The following RBFOX1 variants were observed in gnomAD, a reference collection of about 807,000 sequenced individuals.
RBFOX1 encodes the protein RNA binding protein fox-1 homolog 1.
A neutral mutation model predicts 57.7 loss-of-function variants in RBFOX1; 8 were observed. The ratio of observed to expected loss-of-function variants is 0.14; its 90% confidence interval spans 0.08 to 0.25. The LOEUF (loss-of-function observed/expected upper bound fraction) is 0.25. Among genes scored for constraint, RBFOX1 ranks in the 10% least tolerant of loss-of-function variants. The probability of loss-of-function intolerance (pLI) is 1.00; values close to 1 mark genes in which losing one functional copy is unlikely to be tolerated. For missense variants in RBFOX1, 611 were observed against 548.5 expected (o/e 1.11, Z -1.14); for synonymous variants, 326 against 222.4 (o/e 1.47, Z -4.15).
intron 3 of RBFOX1, among the ~76,000 whole-genome samples, chr16:6,808,065 CTA>C (rs1005071336): frequency 2.7e-5 from 4 of 147,866 alleles, no homozygotes; most frequent in Non-Finnish European, 4.5e-5. Flanking sequence ...TACAATAGAA[CTA>C]TATATATATA....
intron 3 of RBFOX1, among the ~76,000 whole-genome samples, chr16:5,858,760 G>C (rs1215460117): frequency 2.6e-5 from 4 of 152,214 alleles, no homozygotes; most frequent in Admixed American, 2.0e-4. Context: ...AGATGGGAAG[G>C]GAGGTAGGGA....
chr16:7,287,871 G>A (rs766898706), intron 4 of RBFOX1, among the ~76,000 whole-genome samples: 2 of 152,134 alleles, frequency 1.3e-5, no homozygotes, highest in Non-Finnish European at 2.9e-5. Context: ...CATTTCGTGT[G>A]CATTTTTCTG....
intron 1 of RBFOX1, among the ~76,000 whole-genome samples, chr16:5,315,105 T>C (rs2064199368): frequency 6.6e-6 from 1 of 152,180 alleles, no homozygotes. Flanking sequence ...TTATGAATCA[T>C]GATGGAACCA....
chr16:7,709,402 T>C, intron 15 of RBFOX1: 3 of 1,277,622 alleles, frequency 2.3e-6, no homozygotes, highest in Non-Finnish European at 3.1e-6. Context: ...TTAGTCATTT[T>C]GATAATTAAA....
At chr16:5,676,653 G>C (rs929076668) in intron 3 of RBFOX1, among the ~76,000 whole-genome samples, 5 of 152,204 alleles carry the variant, frequency 3.3e-5, no homozygotes, top group African/African-American at 9.7e-5. Context: ...TGGAGGCCAG[G>C]AGTCTGAGGC....
chr16:5,878,349 C>A (rs938213583), intron 4 of RBFOX1, among the ~76,000 whole-genome samples: 1 of 152,134 alleles, frequency 6.6e-6, no homozygotes, highest in East Asian at 1.9e-4. Context: ...TTATTCCTTC[C>A]AATGAACTTA....
At chr16:7,702,293 A>G (rs1393738024) in intron 14 of RBFOX1, among the ~76,000 whole-genome samples, 2 of 152,154 alleles carry the variant, frequency 1.3e-5, no homozygotes, top group Non-Finnish European at 2.9e-5. Flanking sequence ...GTGAAGTCCC[A>G]TATTCTGGGC....
At chr16:5,776,003 C>G (rs892689446) in intron 3 of RBFOX1, among the ~76,000 whole-genome samples, 2 of 152,074 alleles carry the variant, frequency 1.3e-5, no homozygotes, top group Non-Finnish European at 2.9e-5. Context: ...CTGGCCCAGG[C>G]TGCAGGGCAA....
At chr16:7,647,003 C>T (rs2063870471) in intron 11 of RBFOX1, among the ~76,000 whole-genome samples, 1 of 152,114 alleles carries the variant, frequency 6.6e-6, no homozygotes, top group Non-Finnish European at 1.5e-5. Flanking sequence ...GTAAATGGCC[C>T]ATTTGGCTGG....
At chr16:5,751,544 G>C (rs2053204886) in intron 3 of RBFOX1, among the ~76,000 whole-genome samples, 1 of 152,162 alleles carries the variant, frequency 6.6e-6, no homozygotes, top group Non-Finnish European at 1.5e-5. Context: ...GGATGAAGGT[G>C]AATCTGGAGG....
chr16:7,694,626 C>G lies in RBFOX1; in HGVS notation c.996-14430C>G, dbSNP rs1230634407. Reference sequence around the variant, plus strand: ...TCCCTCTTAACCCCTAGACTCGTATCTCTGCTTCTCATTGTGAGAGGTGGC... The same window carrying G: ...TCCCTCTTAACCCCTAGACTCGTATGTCTGCTTCTCATTGTGAGAGGTGGC... On this transcript the variant is annotated intron_variant, in intron 14 of 15. Coordinates refer to ENST00000550418, the MANE Select transcript of RBFOX1 (RefSeq NM_018723.4). Among the ~76,000 whole-genome samples the G allele has an allele frequency of 2.0e-5, 3 of 152,318 alleles. No individual in the cohort carries two copies. In the East Asian group the frequency reaches 5.8e-4, roughly 29 times the overall value.
intron 3 of RBFOX1, among the ~76,000 whole-genome samples, chr16:5,812,439 A>G (rs184052712): frequency 6.7e-6 from 1 of 149,792 alleles, no homozygotes; most frequent in Non-Finnish European, 1.5e-5. Context: ...ACACTCACCA[A>G]CATGATCAGT....
intron 6 of RBFOX1, 123 bp downstream of exon 6, chr16:7,580,043 A>G: frequency 9.3e-7 from 1 of 1,069,682 alleles, no homozygotes; most frequent in South Asian, 1.6e-5. Flanking sequence ...GAAACAATTT[A>G]GAGCCTAGTC....
rs111926716 is a variant in RBFOX1 at position 5,565,856 on chromosome 16, G to A, written c.259-33046G>A. ...TAGGTGGGTGATATGGTTTGGCTGC[G>A]TCCCTACCCATGTCTCATCTTGAAT... is the stretch of plus-strand genomic sequence containing the variant. On this transcript the variant is annotated intron_variant, in intron 2 of 2. Transcript: ENST00000585867. Among the ~76,000 whole-genome samples, 632 of 151,990 alleles carry A rather than the reference G, an allele frequency of 4.2e-3. 8 individuals carry two copies. Among genetic ancestry groups the A allele is most frequent in the African/African-American group, 0.014 (592 of 41,460 alleles).
chr16:6,752,957 G>C (rs750236352), intron 3 of RBFOX1, among the ~76,000 whole-genome samples: 2 of 151,914 alleles, frequency 1.3e-5, no homozygotes, highest in East Asian at 1.9e-4. Context: ...AATTGTACTT[G>C]GTTGCTATGG....
intron 4 of RBFOX1, among the ~76,000 whole-genome samples, chr16:5,899,226 C>A (rs2058247026): frequency 6.6e-6 from 1 of 150,742 alleles, no homozygotes; most frequent in Non-Finnish European, 1.5e-5. Flanking sequence ...TTGATATATA[C>A]TGATGAGAAA....
intron 3 of RBFOX1, among the ~76,000 whole-genome samples, chr16:5,717,505 C>G (rs188259058): frequency 2.0e-5 from 3 of 152,162 alleles, no homozygotes; most frequent in Non-Finnish European, 2.9e-5. Flanking sequence ...CTCACCCCCT[C>G]CCACCCTTCA....
At chr16:6,245,445 C>T (rs1195342536) in intron 1 of RBFOX1, among the ~76,000 whole-genome samples, 3 of 152,120 alleles carry the variant, frequency 2.0e-5, no homozygotes, top group Non-Finnish European at 4.4e-5. Context: ...TTTTATTAAG[C>T]ACTTTGTAGA....
chr16:5,262,405 C>G (rs555395384), intron 1 of RBFOX1, among the ~76,000 whole-genome samples: 2 of 152,078 alleles, frequency 1.3e-5, no homozygotes, highest in East Asian at 1.9e-4. Flanking sequence ...AAGACCTGAA[C>G]AAAACAAAAA....
Sources: allele counts gnomAD v4.1 joint callset (sites outside exome capture counted in the v4.1 genomes callset), GRCh38; gene constraint gnomAD v4.1.1; transcripts MANE v1.5; gene names NCBI Gene and HGNC (gene_info 2026-07-23, HGNC 2026-07-21).